The following RBFOX1 variants were observed in gnomAD, a reference collection of about 807,000 sequenced individuals.
The protein encoded by RBFOX1 is RNA binding protein fox-1 homolog 1.
In RBFOX1, 8 loss-of-function variants were observed where a neutral mutation model predicts 57.7. The observed-to-expected ratio is 0.14, with a 90% CI of 0.08 to 0.25. The LOEUF (loss-of-function observed/expected upper bound fraction) is 0.25. Ranked by LOEUF, RBFOX1 falls within the 10% of genes least tolerant of loss-of-function variation. The pLI is 1.00. For synonymous variants in RBFOX1, 326 were observed against 222.4 expected, an observed-to-expected ratio of 1.47 and a Z score of -4.15; for missense variants, 611 against 548.5, an observed-to-expected ratio of 1.11 and a Z score of -1.14.
chr16:7,062,335 A>AAG (rs61227839), intron 4 of RBFOX1, among the ~76,000 whole-genome samples: 12 of 139,486 alleles, frequency 8.6e-5, no homozygotes, highest in African/African-American at 3.5e-4. Context: ...AAAAAAAAAA[A>AAG]AAAGAAAAGA....
intron 2 of RBFOX1, among the ~76,000 whole-genome samples, chr16:6,622,645 T>G (rs1420830426): frequency 6.6e-6 from 1 of 152,244 alleles, no homozygotes; most frequent in Non-Finnish European, 1.5e-5. Context: ...AATGAATATA[T>G]GAATACAAAA....
chr16:6,933,598 A>C (rs1260410915), intron 3 of RBFOX1, among the ~76,000 whole-genome samples: 2 of 152,204 alleles, frequency 1.3e-5, no homozygotes, highest in Non-Finnish European at 2.9e-5. Context: ...CTGTCATCCC[A>C]GCTACTCCGG....
chr16:6,077,656 C>T (rs2095926185), intron 1 of RBFOX1, among the ~76,000 whole-genome samples: 1 of 147,418 alleles, frequency 6.8e-6, no homozygotes, highest in East Asian at 2.0e-4. Flanking sequence ...TTCCCCTGCG[C>T]TCTTGCGTCA....
chr16:7,196,689 A>G (rs2086785631), intron 4 of RBFOX1, among the ~76,000 whole-genome samples: 1 of 152,104 alleles, frequency 6.6e-6, no homozygotes, highest in African/African-American at 2.4e-5. Context: ...TAAAATGCAA[A>G]GGCATCTGTG....
At position 7,205,315 on chromosome 16, in the gene RBFOX1, C is replaced by G. The variant is rs539217888; in HGVS notation, c.27+153217C>G. On this transcript the variant is annotated intron_variant, in intron 4 of 15. Transcript: ENST00000550418. ...GGCAGATCACTTGATGTCAGGAGTT[C>G]AAGACCAGTCTGGCCAACATGGTGA... Among the ~76,000 whole-genome samples, 8 of 152,016 alleles carry G rather than the reference C, an allele frequency of 5.3e-5. No individual in the cohort carries two copies. The South Asian group carries it at 1.5e-3, about 28-fold the overall frequency.
At chr16:5,750,603 G>C (rs2151618074) in intron 3 of RBFOX1, among the ~76,000 whole-genome samples, 1 of 152,342 alleles carries the variant, frequency 6.6e-6, no homozygotes, top group East Asian at 1.9e-4. Flanking sequence ...CCGTCTTGCA[G>C]TTCGATCTCA....
At chr16:7,391,273 C>G (rs1168982654) in intron 4 of RBFOX1, among the ~76,000 whole-genome samples, 1 of 152,166 alleles carries the variant, frequency 6.6e-6, no homozygotes, top group South Asian at 2.1e-4. Context: ...TTGCTGATGT[C>G]CCTCTAAGAG....
At chr16:7,297,877 T>A (rs1350883183) in intron 4 of RBFOX1, among the ~76,000 whole-genome samples, 1 of 152,064 alleles carries the variant, frequency 6.6e-6, no homozygotes, top group Admixed American at 6.5e-5. Flanking sequence ...TTGGATTGAT[T>A]TATTTGTTTC....
At chr16:7,146,694 A>G (rs1307358544) in intron 4 of RBFOX1, among the ~76,000 whole-genome samples, 1 of 151,958 alleles carries the variant, frequency 6.6e-6, no homozygotes, top group Non-Finnish European at 1.5e-5. Context: ...CATGCCTGCA[A>G]TCCTGGCAGT....
chr16:6,288,802 A>G (rs2077160275), intron 1 of RBFOX1, among the ~76,000 whole-genome samples: 1 of 152,022 alleles, frequency 6.6e-6, no homozygotes, highest in Non-Finnish European at 1.5e-5. Context: ...TGCATTGTAG[A>G]GTGTGTTTTT....
chr16:7,689,526 A>G (rs2076871243), intron 14 of RBFOX1, among the ~76,000 whole-genome samples: 1 of 152,084 alleles, frequency 6.6e-6, no homozygotes, highest in Non-Finnish European at 1.5e-5. Flanking sequence ...ATAGATTACC[A>G]GACCTCTCTC....
intron 2 of RBFOX1, among the ~76,000 whole-genome samples, chr16:6,524,913 C>G (rs1235547740): frequency 6.6e-6 from 1 of 152,156 alleles, no homozygotes; most frequent in African/African-American, 2.4e-5. Flanking sequence ...CCATCCTGAG[C>G]CAGTATGACC....
intron 2 of RBFOX1, among the ~76,000 whole-genome samples, chr16:6,444,076 A>G (rs1212589842): frequency 6.6e-6 from 1 of 152,188 alleles, no homozygotes; most frequent in Non-Finnish European, 1.5e-5. Flanking sequence ...TTCACAAAGC[A>G]TAATGTGAAA....
At chr16:7,293,335 C>G (rs113893062) in intron 4 of RBFOX1, among the ~76,000 whole-genome samples, 2 of 152,232 alleles carry the variant, frequency 1.3e-5, no homozygotes, top group South Asian at 4.2e-4. Context: ...TAAGCAAATA[C>G]TACACATCTG....
chr16:7,388,863 G>A (rs1481418689), intron 4 of RBFOX1, among the ~76,000 whole-genome samples: 1 of 152,020 alleles, frequency 6.6e-6, no homozygotes, highest in African/African-American at 2.4e-5. Flanking sequence ...TAGGTTAGGT[G>A]TATGGAATGC....
At chr16:5,358,884 T>G (rs759505081) in intron 1 of RBFOX1, among the ~76,000 whole-genome samples, 1 of 152,212 alleles carries the variant, frequency 6.6e-6, no homozygotes, top group African/African-American at 2.4e-5. Context: ...CTCATTGTGT[T>G]ATCAAATACT....
At chr16:5,649,153 A>C (rs2049146788) in intron 3 of RBFOX1, among the ~76,000 whole-genome samples, 1 of 151,916 alleles carries the variant, frequency 6.6e-6, no homozygotes, top group African/African-American at 2.4e-5. Flanking sequence ...ATATATATAC[A>C]CATATATATG....
intron 2 of RBFOX1, among the ~76,000 whole-genome samples, chr16:6,487,754 TAA>T (rs1567406109): frequency 2.7e-5 from 3 of 112,436 alleles, no homozygotes; most frequent in Admixed American, 9.2e-5. Flanking sequence ...TATATATATA[TAA>T]AATATTATGC....
chr16:6,013,606 C>T (rs1428605143), intron 4 of RBFOX1, among the ~76,000 whole-genome samples: 2 of 152,136 alleles, frequency 1.3e-5, no homozygotes, highest in African/African-American at 4.8e-5. Flanking sequence ...TTTTGAGTCC[C>T]ACTCTAACCA....
Sources: allele counts gnomAD v4.1 joint callset (sites outside exome capture counted in the v4.1 genomes callset), GRCh38; gene constraint gnomAD v4.1.1; transcripts MANE v1.5; gene names NCBI Gene and HGNC (gene_info 2026-07-23, HGNC 2026-07-21).